The following PTPRT variants were observed in gnomAD, a reference collection of about 807,000 sequenced individuals.
PTPRT encodes the protein protein tyrosine phosphatase receptor type T.
A neutral mutation model predicts 176.8 loss-of-function variants in PTPRT; 56 were observed. That is an observed-to-expected ratio of 0.32 (90% confidence interval 0.26 to 0.40). The LOEUF (loss-of-function observed/expected upper bound fraction) is 0.40, where lower values mean the gene tolerates loss of function less well. Among genes scored for constraint, PTPRT ranks in the 10% least tolerant of loss-of-function variants. The pLI, the probability that PTPRT is intolerant of heterozygous loss-of-function variation, is 1.00. For synonymous variants in PTPRT, 783 were observed against 739.0 expected (o/e 1.06, Z -0.96); for missense variants, 1,540 against 1,908.2 (o/e 0.81, Z 3.60).
intron 1 of PTPRT, among the ~76,000 whole-genome samples, chr20:42,939,332 G>C (rs1050667502): frequency 6.6e-6 from 1 of 152,150 alleles, no homozygotes; most frequent in Admixed American, 6.6e-5. Flanking sequence ...TTAATTCCAG[G>C]TTTGCTCATC....
chr20:42,582,358 G>A (rs1220696233), intron 7 of PTPRT, among the ~76,000 whole-genome samples: 2 of 152,158 alleles, frequency 1.3e-5, no homozygotes, highest in African/African-American at 4.8e-5. Context: ...TGAGGCTAGA[G>A]GTGGAATCAC....
At position 42,516,586 on chromosome 20, in the gene PTPRT, T is replaced by C. The variant is rs147516340; in HGVS notation, c.1154-44024A>G. Among the ~76,000 whole-genome samples the C allele has an allele frequency of 4.6e-3, 700 of 152,296 alleles. 4 individuals carry two copies. The highest frequency in any genetic ancestry group is 0.016 in the African/African-American group (668 of 41,582). ...ACAGTTTACATTTGGGGGATATGGC[T>C]AGTATGAACATTCATGGGCTCATCT... On this transcript the variant is annotated intron_variant, in intron 7 of 30. Coordinates refer to ENST00000373187, the MANE Select transcript of PTPRT (RefSeq NM_007050.6).
At chr20:42,093,628 T>G (rs1254178606) in intron 27 of PTPRT, among the ~76,000 whole-genome samples, 1 of 152,136 alleles carries the variant, frequency 6.6e-6, no homozygotes, top group African/African-American at 2.4e-5. Context: ...CAACGTACGC[T>G]CTTATGGTTC....
intron 1 of PTPRT, among the ~76,000 whole-genome samples, chr20:43,180,379 A>ACCCC (rs2015225408): frequency 2.4e-5 from 1 of 41,596 alleles, no homozygotes; most frequent in Non-Finnish European, 5.5e-5. Flanking sequence ...CTCTGCCCCC[A>ACCCC]CCTCCCTCCC....
intron 12 of PTPRT, among the ~76,000 whole-genome samples, chr20:42,301,790 G>A (rs763441010): frequency 1.3e-5 from 2 of 152,034 alleles, no homozygotes; most frequent in Admixed American, 6.6e-5. Context: ...ACATCTCTGT[G>A]CATTTGAAAC....
rs562996028 is a variant in PTPRT at position 42,101,981 on chromosome 20, A to T, written c.3714+143T>A. 8 of 961,558 alleles carry T rather than the reference A, an allele frequency of 8.3e-6. No individual in the cohort carries two copies. In the African/African-American group the frequency reaches 1.3e-4, roughly 16 times the overall value. The allele number at this position is 961,558 out of a possible 1,614,324, so 59.6% of individuals were successfully genotyped here. ...GGTTTGGACCAGAGCCTGCAGGGGAACAAAGGTCCTTGGGACTAGTAGATC... is the reference window on the plus strand; with the variant it reads ...GGTTTGGACCAGAGCCTGCAGGGGATCAAAGGTCCTTGGGACTAGTAGATC... On this transcript the variant is annotated intron_variant, in intron 26 of 30. Transcript: ENST00000373187.
intron 16 of PTPRT, among the ~76,000 whole-genome samples, chr20:42,189,977 GT>G (rs1300164487): frequency 6.6e-6 from 1 of 152,142 alleles, no homozygotes; most frequent in African/African-American, 2.4e-5. Flanking sequence ...TTTCCATTTT[GT>G]AACTGCTAAG....
At chr20:42,716,681 T>C (rs2076228676) in intron 6 of PTPRT, among the ~76,000 whole-genome samples, 1 of 152,022 alleles carries the variant, frequency 6.6e-6, no homozygotes, top group Non-Finnish European at 1.5e-5. Flanking sequence ...ATTGCAAAAA[T>C]TTTCTCCCAT....
At chr20:42,785,548 G>T (rs936112912) in intron 3 of PTPRT, among the ~76,000 whole-genome samples, 4 of 152,110 alleles carry the variant, frequency 2.6e-5, no homozygotes, top group African/African-American at 9.7e-5. Context: ...GAGTCTTGTG[G>T]GTGCTTGTCC....
chr20:42,315,886 T>C lies in PTPRT; in HGVS notation c.1976A>G (p.Asp659Gly), dbSNP rs765424560. ...PVSYRNASSL[D>G]SLHYFAAELK... ...CTCAGCAGCAAAGTAGTGTAGAGAA[T>C]CGAGGCTGGAGGCATTCCGATAGCT... The change falls in exon 12 of 31, where the codon GAT (aspartate) becomes GGT (glycine). Residue 659 changes from aspartate to glycine, a missense_variant. Physicochemically the swap from Asp to Gly is moderately conservative, Grantham distance 94. Coordinates refer to ENST00000373187, the MANE Select transcript of PTPRT (RefSeq NM_007050.6). 3.7e-6 allele frequency: 6 copies of C among 1,613,836 alleles called. No homozygotes were observed. The Admixed American group carries it at 5.0e-5, about 13-fold the overall frequency.
chr20:42,780,889 T>C (rs1555913309), intron 3 of PTPRT, among the ~76,000 whole-genome samples: 1 of 152,160 alleles, frequency 6.6e-6, no homozygotes, highest in Non-Finnish European at 1.5e-5. Flanking sequence ...GTAATGCATT[T>C]AGCTTCCCTC....
chr20:42,807,680 C>T (rs914046535), intron 2 of PTPRT, among the ~76,000 whole-genome samples: 11 of 152,154 alleles, frequency 7.2e-5, no homozygotes, highest in African/African-American at 2.4e-4. Context: ...CGAAAATTCT[C>T]TACTTGTATA....
intron 7 of PTPRT, among the ~76,000 whole-genome samples, chr20:42,505,578 A>G (rs745908276): frequency 7.2e-5 from 11 of 152,086 alleles, no homozygotes; most frequent in Non-Finnish European, 1.5e-4. Flanking sequence ...CTGGGATTAC[A>G]GGTGTGAGCC....
intron 1 of PTPRT, among the ~76,000 whole-genome samples, chr20:42,982,013 T>C (rs1190187358): frequency 1.3e-5 from 2 of 152,230 alleles, no homozygotes; most frequent in African/African-American, 4.8e-5. Flanking sequence ...GGTGGGAAGA[T>C]CCCAATAAGT....
At chr20:43,136,762 T>A (rs1306781834) in intron 1 of PTPRT, among the ~76,000 whole-genome samples, 3 of 152,240 alleles carry the variant, frequency 2.0e-5, no homozygotes, top group African/African-American at 7.2e-5. Context: ...GTCTTCCTAA[T>A]AAAATGAATT....
intron 19 of PTPRT, among the ~76,000 whole-genome samples, chr20:42,127,713 GTTGTCCTTCTGACC>G (rs1987929933): frequency 2.0e-5 from 3 of 152,132 alleles, no homozygotes; most frequent in Admixed American, 1.3e-4. Flanking sequence ...GTCACATTGG[GTTGTCCTTCTGACC>G]TCAGCAGTCA....
chr20:42,312,976 T>G (rs2057659007), intron 12 of PTPRT, among the ~76,000 whole-genome samples: 1 of 150,824 alleles, frequency 6.6e-6, no homozygotes, highest in African/African-American at 2.4e-5. Flanking sequence ...CATTCCCAGA[T>G]GGTTAAGGCA....
chr20:42,215,808 G>A (rs1024212176), intron 15 of PTPRT, among the ~76,000 whole-genome samples: 1 of 152,150 alleles, frequency 6.6e-6, no homozygotes, highest in Non-Finnish European at 1.5e-5. Context: ...TCCAGCCCCC[G>A]ACTGCTGAAT....
intron 9 of PTPRT, among the ~76,000 whole-genome samples, chr20:42,442,751 T>C (rs894117835): frequency 2.0e-5 from 3 of 152,244 alleles, no homozygotes; most frequent in African/African-American, 7.2e-5. Flanking sequence ...ATTAATTGAA[T>C]TGAAACACAT....
Sources: allele counts gnomAD v4.1 joint callset (sites outside exome capture counted in the v4.1 genomes callset), GRCh38; gene constraint gnomAD v4.1.1; transcripts MANE v1.5; gene names NCBI Gene and HGNC (gene_info 2026-07-23, HGNC 2026-07-21).